KIAA1328: variants seen among roughly 807,000 people sequenced by gnomAD.
KIAA1328 encodes protein hinderin.
In KIAA1328, 52 loss-of-function variants were observed where a neutral mutation model predicts 68.1. The ratio of observed to expected loss-of-function variants is 0.76; its 90% CI spans 0.61 to 0.96. KIAA1328 has a LOEUF of 0.96. Among genes scored for constraint, KIAA1328 ranks in the 40% least tolerant of loss-of-function variants. The pLI is 0.00. For synonymous variants in KIAA1328, 232 were observed against 239.4 expected, an observed-to-expected ratio of 0.97 and a Z score of 0.28; for missense variants, 641 against 677.6, an observed-to-expected ratio of 0.95 and a Z score of 0.60.
At chr18:36,985,945 A>G (rs2052904292) in intron 6 of KIAA1328, among the ~76,000 whole-genome samples, 1 of 152,310 alleles carries the variant, frequency 6.6e-6, no homozygotes. Context: ...ACAATGACCA[A>G]AATTAAAAAG....
intron 6 of KIAA1328, among the ~76,000 whole-genome samples, chr18:36,978,552 G>A (rs1477993051): frequency 6.6e-6 from 1 of 152,184 alleles, no homozygotes; most frequent in African/African-American, 2.4e-5. Flanking sequence ...TTGGCATTCA[G>A]ACTTGGAACT....
chr18:36,865,568 C>T (rs989911147), intron 4 of KIAA1328, among the ~76,000 whole-genome samples: 2 of 152,072 alleles, frequency 1.3e-5, no homozygotes, highest in Admixed American at 1.3e-4. Context: ...ATATATTCCC[C>T]CCTCGTTTTT....
chr18:37,017,839 A>T, intron 6 of KIAA1328, among the ~76,000 whole-genome samples: 1 of 151,882 alleles, frequency 6.6e-6, no homozygotes, highest in Admixed American at 6.6e-5. Context: ...CTTTACTTTG[A>T]TCCTATCAGT....
At chr18:36,928,198 A>G (rs540634439) in intron 5 of KIAA1328, among the ~76,000 whole-genome samples, 1 of 152,196 alleles carries the variant, frequency 6.6e-6, no homozygotes, top group South Asian at 2.1e-4. Flanking sequence ...GGTGGTGGTG[A>G]TAGTGCTGGC....
intron 5 of KIAA1328, among the ~76,000 whole-genome samples, chr18:36,920,394 T>C (rs2049873565): frequency 6.6e-6 from 1 of 152,186 alleles, no homozygotes; most frequent in African/African-American, 2.4e-5. Flanking sequence ...CTCTATCCAG[T>C]TCCATTGGTC....
intron 6 of KIAA1328, among the ~76,000 whole-genome samples, chr18:36,961,144 A>G (rs1235849110): frequency 4.6e-5 from 7 of 152,226 alleles, no homozygotes; most frequent in Non-Finnish European, 4.4e-5. Context: ...GCTGAAAACC[A>G]TGGCACAAGA....
chr18:37,048,863 C>T (rs535507295), intron 6 of KIAA1328, among the ~76,000 whole-genome samples: 2 of 152,096 alleles, frequency 1.3e-5, no homozygotes, highest in African/African-American at 4.8e-5. Flanking sequence ...CAAGTTAGTC[C>T]ATTTAGCTGT....
intron 7 of KIAA1328, among the ~76,000 whole-genome samples, chr18:37,123,931 T>TTAG (rs2058331504): frequency 6.6e-6 from 1 of 152,200 alleles, no homozygotes; most frequent in Non-Finnish European, 1.5e-5. Context: ...TAATCCTTTA[T>TTAG]TAGTAACCTT....
chr18:37,164,594 G>A (rs2059348324), intron 8 of KIAA1328, among the ~76,000 whole-genome samples: 1 of 152,008 alleles, frequency 6.6e-6, no homozygotes, highest in African/African-American at 2.4e-5. Flanking sequence ...AAAATAGAAA[G>A]AGTTAGCTGG....
chr18:36,855,302 A>G lies in KIAA1328; in HGVS notation c.332+11000A>G, dbSNP rs376047013. Among the ~76,000 whole-genome samples, 34 of 152,324 alleles carry G rather than the reference A, an allele frequency of 2.2e-4. No individual in the cohort carries two copies. The South Asian group carries it at 5.2e-3, about 23-fold the overall frequency. ...TGTACAAGGATTCTGGTCTCTTCAC[A>G]TGCTTGCCAACACTTGTTATTTTCC... On this transcript the variant is annotated intron_variant, in intron 4 of 9. Transcript: ENST00000280020.
At chr18:37,147,296 C>A (rs2058924660) in intron 7 of KIAA1328, among the ~76,000 whole-genome samples, 1 of 152,154 alleles carries the variant, frequency 6.6e-6, no homozygotes, top group Admixed American at 6.5e-5. Flanking sequence ...AAAGTTCTTA[C>A]CTGCCAAGTT....
At chr18:37,180,050 T>G in intron 9 of KIAA1328, among the ~76,000 whole-genome samples, 1 of 134,728 alleles carries the variant, frequency 7.4e-6, no homozygotes. Flanking sequence ...TGCCATGGGA[T>G]TCAAAAGCCA....
At chr18:37,180,058 C>CCACACACACACACA (rs139301794) in intron 9 of KIAA1328, among the ~76,000 whole-genome samples, 3 of 134,062 alleles carry the variant, frequency 2.2e-5, no homozygotes, top group Non-Finnish European at 4.9e-5. Context: ...GATTCAAAAG[C>CCACACACACACACA]CACACACACA....
chr18:37,207,860 A>G (rs1053611419), intron 9 of KIAA1328, among the ~76,000 whole-genome samples: 30 of 152,314 alleles, frequency 2.0e-4, no homozygotes, highest in African/African-American at 7.2e-4. Flanking sequence ...CCCAGGCTGG[A>G]GTGCAATGGC....
At chr18:36,871,324 T>A (rs1001531020) in intron 4 of KIAA1328, among the ~76,000 whole-genome samples, 2 of 152,176 alleles carry the variant, frequency 1.3e-5, no homozygotes, top group African/African-American at 4.8e-5. Context: ...GATGATGCAT[T>A]TTTTGGCAAG....
At chr18:36,853,844 G>A (rs2150854467) in intron 4 of KIAA1328, among the ~76,000 whole-genome samples, 1 of 152,122 alleles carries the variant, frequency 6.6e-6, no homozygotes. Flanking sequence ...TTTTAATAGA[G>A]ACGAGGTTTC....
chr18:36,925,711 A>AT (rs979360322), intron 5 of KIAA1328, among the ~76,000 whole-genome samples: 14 of 148,186 alleles, frequency 9.4e-5, no homozygotes, highest in South Asian at 2.1e-4. Context: ...CCAATTTTTA[A>AT]TTTTTTTTTT....
chr18:36,924,219 G>A (rs1364919179), intron 5 of KIAA1328, among the ~76,000 whole-genome samples: 1 of 152,084 alleles, frequency 6.6e-6, no homozygotes, highest in African/African-American at 2.4e-5. Context: ...TCAATATAAT[G>A]TTTTGAAATA....
Position 37,067,080 on chromosome 18 carries a change from A to G in KIAA1328, c.767A>G (p.Lys256Arg). The change falls in exon 7 of 10, where the codon AAA becomes AGA. Residue 256 changes from lysine (K) to arginine (R), a missense_variant. Lys to Arg is a conservative substitution (Grantham distance 26, BLOSUM62 2). Coordinates refer to ENST00000280020, the MANE Select transcript of KIAA1328 (RefSeq NM_020776.3). The stretch of plus-strand genomic sequence containing the variant: ...AAACCAGTAACCCTTCATCATCCCA[A>G]AGATGATCTAGATAAGATACCATCA... ...SLKPVTLHHP[K>R]DDLDKIPSET... 1 of 1,613,892 alleles carries G rather than the reference A, an allele frequency of 6.2e-7. No homozygotes were observed. Among genetic ancestry groups the G allele is most frequent in the Non-Finnish European group, 8.5e-7 (1 of 1,179,798 alleles).
Sources: gnomAD v4.1 joint callset for allele counts (sites outside exome capture counted in the v4.1 genomes callset) on GRCh38, gnomAD v4.1.1 for gene constraint, MANE v1.5 for transcripts, NCBI Gene and HGNC (gene_info 2026-07-23, HGNC 2026-07-21) for gene names.